PEPD: variants seen among roughly 807,000 people sequenced by gnomAD.
The protein encoded by PEPD is xaa-Pro dipeptidase.
PEPD carries 53 observed loss-of-function variants against 60.7 expected under a neutral mutation model. The ratio of observed to expected loss-of-function variants is 0.87; its 90% confidence interval spans 0.70 to 1.10. The LOEUF (loss-of-function observed/expected upper bound fraction) is 1.10. Among genes scored for constraint, PEPD ranks in the 50% least tolerant of loss-of-function variants. The pLI, the probability that PEPD is intolerant of heterozygous loss-of-function variation, is 0.00. For missense variants in PEPD, 711 were observed against 711.9 expected, an observed-to-expected ratio of 1.00 and a Z score of 0.01; for synonymous variants, 267 against 284.1, an observed-to-expected ratio of 0.94 and a Z score of 0.60.
chr19:33,486,092 G>A (rs974337117), intron 6 of PEPD, among the ~76,000 whole-genome samples: 13 of 151,718 alleles, frequency 8.6e-5, no homozygotes, highest in Admixed American at 6.6e-4. Flanking sequence ...CTGCCCTAAC[G>A]TCTACCTCCT....
chr19:33,444,691 C>A (rs542322373), intron 9 of PEPD, among the ~76,000 whole-genome samples: 38 of 151,282 alleles, frequency 2.5e-4, no homozygotes, highest in African/African-American at 8.7e-4. Flanking sequence ...CGTCCACTCA[C>A]CCCCCAAAGC....
At chr19:33,430,145 C>G (rs993630614) in intron 9 of PEPD, among the ~76,000 whole-genome samples, 4 of 152,204 alleles carry the variant, frequency 2.6e-5, no homozygotes, top group African/African-American at 9.6e-5. Context: ...TCCGCTCCCC[C>G]TCACGGGATT....
intron 7 of PEPD, 130 bp downstream of exon 7, chr19:33,477,916 T>TAGGA (rs1970248422): frequency 5.5e-6 from 4 of 733,844 alleles, no homozygotes; most frequent in Non-Finnish European, 1.0e-5. Flanking sequence ...CAGAAAAGGC[T>TAGGA]ATGGGAGAAG....
intron 12 of PEPD, among the ~76,000 whole-genome samples, chr19:33,395,935 TAGA>T (rs1968348736): frequency 6.6e-6 from 1 of 151,988 alleles, no homozygotes; most frequent in Non-Finnish European, 1.5e-5. Context: ...GGGACGTGAG[TAGA>T]AGAACCCCAT....
chr19:33,514,697 C>T (rs557679240), intron 1 of PEPD, among the ~76,000 whole-genome samples: 4 of 151,910 alleles, frequency 2.6e-5, no homozygotes, highest in African/African-American at 9.6e-5. Flanking sequence ...GATCCACTCC[C>T]CTGGCTCCCT....
At chr19:33,494,853 C>T (rs73594028) in intron 4 of PEPD, among the ~76,000 whole-genome samples, 1,699 of 152,372 alleles carry the variant, frequency 0.011, 35 homozygotes, top group African/African-American at 0.038. Context: ...GGACACTACT[C>T]ATTCCTCTAC....
chr19:33,416,393 C>G (rs1012049552), intron 9 of PEPD, among the ~76,000 whole-genome samples: 1 of 152,236 alleles, frequency 6.6e-6, no homozygotes, highest in Admixed American at 6.5e-5. Context: ...AACAGGCTCT[C>G]CAGCAGAGGG....
intron 9 of PEPD, among the ~76,000 whole-genome samples, chr19:33,458,640 T>A (rs1376180227): frequency 1.5e-5 from 2 of 136,924 alleles, no homozygotes; most frequent in African/African-American, 5.6e-5. Flanking sequence ...GTGGCGTGTG[T>A]GTTGTGTGTG....
chr19:33,499,721 A>T (rs1325100999), intron 4 of PEPD, among the ~76,000 whole-genome samples: 4 of 152,190 alleles, frequency 2.6e-5, no homozygotes, highest in Non-Finnish European at 5.9e-5. Context: ...AAGGCCTCAA[A>T]AGATGGATAG....
intron 9 of PEPD, among the ~76,000 whole-genome samples, chr19:33,452,040 T>A (rs1023784957): frequency 2.0e-5 from 3 of 152,182 alleles, no homozygotes; most frequent in African/African-American, 7.2e-5. Flanking sequence ...ATTCTAAAGA[T>A]AAAAACTAAA....
intron 12 of PEPD, among the ~76,000 whole-genome samples, chr19:33,394,919 T>C (rs1442806750): frequency 6.6e-6 from 1 of 151,810 alleles, no homozygotes; most frequent in East Asian, 1.9e-4. Context: ...TCTGCCTGGC[T>C]CCCTCCTCCG....
intron 6 of PEPD, among the ~76,000 whole-genome samples, chr19:33,483,466 T>C (rs572309162): frequency 5.3e-5 from 8 of 152,224 alleles, no homozygotes; most frequent in Admixed American, 5.2e-4. Context: ...GCACAAGCTA[T>C]AGGCCTCAGC....
chr19:33,459,329 A>G (rs1969883967), intron 9 of PEPD, among the ~76,000 whole-genome samples: 1 of 152,150 alleles, frequency 6.6e-6, no homozygotes, highest in South Asian at 2.1e-4. Context: ...TGTCATACAC[A>G]TCGCGTTATT....
chr19:33,484,507 T>A (rs1426555549), intron 6 of PEPD, among the ~76,000 whole-genome samples: 1 of 151,880 alleles, frequency 6.6e-6, no homozygotes, highest in Admixed American at 6.6e-5. Context: ...CATACAGCCA[T>A]GTGCACAACA....
At chr19:33,390,716 G>A (rs184201677) in intron 13 of PEPD, among the ~76,000 whole-genome samples, 14 of 152,332 alleles carry the variant, frequency 9.2e-5, no homozygotes, top group African/African-American at 3.1e-4. Flanking sequence ...TCTGGAGATG[G>A]CCCCCAGCCT....
At chr19:33,512,824 T>A (rs1970955277) in intron 1 of PEPD, 48 bp from the exon 2 acceptor site, 1 of 1,600,814 alleles carries the variant, frequency 6.2e-7, no homozygotes, top group African/African-American at 1.3e-5. Context: ...TGTTAGCATC[T>A]CCAAGCATGC....
intron 5 of PEPD, among the ~76,000 whole-genome samples, chr19:33,493,015 C>T (rs1970530164): frequency 6.6e-6 from 1 of 152,170 alleles, no homozygotes; most frequent in African/African-American, 2.4e-5. Context: ...TAGCTGGGAC[C>T]ACAAGCACAT....
chr19:33,472,972 T>C (rs901774439), intron 7 of PEPD, among the ~76,000 whole-genome samples: 2 of 152,186 alleles, frequency 1.3e-5, no homozygotes, highest in African/African-American at 4.8e-5. Context: ...CTCTGGGGAA[T>C]CAATCAATAA....
Position 33,511,138 on chromosome 19 carries a change from C to T in PEPD, c.219G>A (p.Trp73Ter). 6.2e-7 allele frequency: 1 copy of T among 1,614,098 alleles called. No homozygotes were observed. The highest frequency in any genetic ancestry group is 8.5e-7 in the Non-Finnish European group (1 of 1,179,962). The change falls in exon 3 of 15, where the codon TGG (tryptophan) becomes TGA (stop). Residue 73 changes from tryptophan (W) to a stop codon, truncating the protein, a stop_gained. Transcript: ENST00000244137. LOFTEE classifies it high-confidence loss of function. ...AGCCTGGCTCAGTGACACCGAACGC[C>T]CAGTGAAAGAAGGACTCCTGTGGCG... ...VLFRQESFFH[W>*]AFGVTEPGCY...
Sources: gnomAD v4.1 joint callset for allele counts (sites outside exome capture counted in the v4.1 genomes callset) on GRCh38, gnomAD v4.1.1 for gene constraint, MANE v1.5 for transcripts, NCBI Gene and HGNC (gene_info 2026-07-23, HGNC 2026-07-21) for gene names.